The following KANSL1 variants were observed in gnomAD, a reference collection of about 807,000 sequenced individuals.
KANSL1 encodes the protein MLL1/MLL complex subunit KANSL1.
In KANSL1, 22 loss-of-function variants were observed where a neutral mutation model predicts 103.6. That is an observed-to-expected ratio of 0.21 (90% CI 0.15 to 0.30). KANSL1 has a LOEUF of 0.30. Among genes scored for constraint, KANSL1 ranks in the 10% least tolerant of loss-of-function variants. KANSL1 has a pLI of 1.00. For missense variants in KANSL1, 1,337 were observed against 1,399.8 expected, an observed-to-expected ratio of 0.96 and a Z score of 0.72; for synonymous variants, 600 against 527.6, an observed-to-expected ratio of 1.14 and a Z score of -1.88.
intron 1 of KANSL1, among the ~76,000 whole-genome samples, chr17:46,181,304 G>A (rs1014843086): frequency 6.6e-6 from 1 of 152,182 alleles, no homozygotes; most frequent in African/African-American, 2.4e-5. Flanking sequence ...AACACTATCA[G>A]TCTAGCCCAG....
chr17:46,177,105 T>C (rs1250986936), intron 1 of KANSL1, among the ~76,000 whole-genome samples: 1 of 152,246 alleles, frequency 6.6e-6, no homozygotes, highest in African/African-American at 2.4e-5. Context: ...GTTCCCATCC[T>C]GGCTCCACCT....
At chr17:46,140,493 T>C (rs1046901218) in intron 2 of KANSL1, among the ~76,000 whole-genome samples, 2 of 152,000 alleles carry the variant, frequency 1.3e-5, no homozygotes, top group Non-Finnish European at 2.9e-5. Context: ...GGTTAGGCAA[T>C]GATTTCTTAT....
rs188005505 is a variant in KANSL1, at chr17:46,085,406, T to C, written c.1432-2864A>G. Among the ~76,000 whole-genome samples, 239 of 152,320 alleles carry C rather than the reference T, an allele frequency of 1.6e-3. 1 individual carries two copies. Among genetic ancestry groups the C allele is most frequent in the African/African-American group, 5.3e-3 (220 of 41,570 alleles). On this transcript the variant is annotated intron_variant, in intron 3 of 14. Coordinates refer to ENST00000432791, the MANE Select transcript of KANSL1 (RefSeq NM_015443.4). ...GCCAGACCTCCTAAAGCACGGTGAT[T>C]GTATCTTACTTTCTGTGTATTTAAA...
intron 1 of KANSL1, among the ~76,000 whole-genome samples, chr17:46,185,692 T>TAC (rs58833932): frequency 0.098 from 14,080 of 143,684 alleles, 761 homozygotes; most frequent in African/African-American, 0.16. Flanking sequence ...CACACATATA[T>TAC]ACACACACAC....
intron 6 of KANSL1, among the ~76,000 whole-genome samples, chr17:46,062,085 C>A (rs544242594): frequency 2.0e-5 from 2 of 101,710 alleles, no homozygotes; most frequent in Admixed American, 1.3e-4. Context: ...GATCAAGACT[C>A]CGACTCAAAA....
intron 7 of KANSL1, chr17:46,044,727 A>G (rs923076261): frequency 6.6e-6 from 1 of 152,330 alleles, no homozygotes; most frequent in South Asian, 2.1e-4. Context: ...AGAGTTGGCT[A>G]TAACACAGTC....
intron 2 of KANSL1, among the ~76,000 whole-genome samples, chr17:46,150,842 C>T (rs1043732689): frequency 2.7e-5 from 4 of 150,388 alleles, no homozygotes; most frequent in South Asian, 2.1e-4. Context: ...CTAGGAATAA[C>T]GACTACAGTA....
intron 7 of KANSL1, chr17:46,044,469 T>C (rs1308588366): frequency 6.6e-6 from 1 of 152,212 alleles, no homozygotes; most frequent in African/African-American, 2.4e-5. Context: ...GAAGTTGCTG[T>C]AGCCTCATGT....
intron 4 of KANSL1, among the ~76,000 whole-genome samples, chr17:46,076,147 A>G (rs2078758549): frequency 6.6e-6 from 1 of 152,342 alleles, no homozygotes; most frequent in South Asian, 2.1e-4. Context: ...GCTAGAAATC[A>G]GGTAGTAGGA....
At chr17:46,033,370 C>A (rs766865759) in intron 12 of KANSL1, 33 bp downstream of exon 12, 32 of 1,602,876 alleles carry the variant, frequency 2.0e-5, no homozygotes, top group Non-Finnish European at 2.6e-5. Context: ...TGTGTACACA[C>A]GTGTTCTTCT....
At chr17:46,081,092 G>T (rs899060093) in intron 4 of KANSL1, among the ~76,000 whole-genome samples, 1 of 152,166 alleles carries the variant, frequency 6.6e-6, no homozygotes, top group Non-Finnish European at 1.5e-5. Flanking sequence ...AATCACTGTG[G>T]ATTTTTTAAG....
chr17:46,077,555 T>C (rs2078825832), intron 4 of KANSL1, among the ~76,000 whole-genome samples: 1 of 152,096 alleles, frequency 6.6e-6, no homozygotes, highest in Non-Finnish European at 1.5e-5. Flanking sequence ...TGAAGTTTCA[T>C]GATTTTTTTA....
At chr17:46,168,626 C>A (rs1211509572) in intron 2 of KANSL1, among the ~76,000 whole-genome samples, 2 of 152,232 alleles carry the variant, frequency 1.3e-5, no homozygotes, top group African/African-American at 2.4e-5. Context: ...GGTGGGATTA[C>A]AGGAGTGAGC....
chr17:46,177,654 T>C (rs1436485225), intron 1 of KANSL1, among the ~76,000 whole-genome samples: 6 of 152,366 alleles, frequency 3.9e-5, no homozygotes, highest in Middle Eastern at 3.4e-3. Context: ...TTTTGTTTCT[T>C]GGCTTATGTA....
chr17:46,220,891 T>C (rs1474751679), intron 1 of KANSL1, among the ~76,000 whole-genome samples: 1 of 152,180 alleles, frequency 6.6e-6, no homozygotes, highest in African/African-American at 2.4e-5. Context: ...TTTCACCATA[T>C]TGGCCAGGCT....
At chr17:46,105,044 C>G (rs1342374146) in intron 2 of KANSL1, among the ~76,000 whole-genome samples, 1 of 152,134 alleles carries the variant, frequency 6.6e-6, no homozygotes, top group East Asian at 1.9e-4. Flanking sequence ...AACTCCTGAC[C>G]TCAGGTGATC....
chr17:46,204,713 T>C (rs1421956382), intron 1 of KANSL1, among the ~76,000 whole-genome samples: 1 of 152,146 alleles, frequency 6.6e-6, no homozygotes, highest in African/African-American at 2.4e-5. Flanking sequence ...CAAAGCAAAA[T>C]GAATCCAGCA....
chr17:46,195,621 G>A (rs535529820), upstream of KANSL1, among the ~76,000 whole-genome samples: 145 of 152,332 alleles, frequency 9.5e-4, no homozygotes, highest in African/African-American at 3.4e-3. Context: ...AGAGTGCAGT[G>A]GTGCAATCAA....
At chr17:46,185,690 TATACACACACACAC>T (rs1420391254) in intron 1 of KANSL1, among the ~76,000 whole-genome samples, 2 of 65,982 alleles carry the variant, frequency 3.0e-5, no homozygotes, top group African/African-American at 9.1e-5. Flanking sequence ...CACACACATA[TATACACACACACAC>T]ACACACACAC....
Sources: allele counts gnomAD v4.1 joint callset (sites outside exome capture counted in the v4.1 genomes callset), GRCh38; gene constraint gnomAD v4.1.1; transcripts MANE v1.5; gene names NCBI Gene and HGNC (gene_info 2026-07-23, HGNC 2026-07-21).